GRIN1: variants seen among roughly 807,000 people sequenced by gnomAD.
GRIN1 encodes the protein glutamate receptor ionotropic, NMDA 1.
A neutral mutation model predicts 103.0 loss-of-function variants in GRIN1; 38 were observed. The ratio of observed to expected loss-of-function variants is 0.37; its 90% CI spans 0.28 to 0.48. GRIN1 has a LOEUF of 0.48. GRIN1 is among the 20% of genes least tolerant of loss of function. The pLI, the probability that GRIN1 is intolerant of heterozygous loss-of-function variation, is 0.98. For missense variants in GRIN1, 577 were observed against 1,288.9 expected (o/e 0.45, Z 8.46); for synonymous variants, 544 against 532.7 (o/e 1.02, Z -0.29).
At position 137,139,716 on chromosome 9, in the gene GRIN1, C is replaced by T. The variant is rs2131187092; in HGVS notation, c.230C>T (p.Ser77Leu). ...CCCAACGCCATCCAGATGGCTCTGTCGGTGTGCGAGGACCTCATCTCCAGC... is the reference window on the plus strand; with the variant it reads ...CCCAACGCCATCCAGATGGCTCTGTTGGTGTGCGAGGACCTCATCTCCAGC... ...HKPNAIQMAL[S>L]VCEDLISSQV... Residue 77 changes from serine to leucine, a missense_variant, in exon 1 of 20, where the codon TCG becomes TTG. Around this residue, in one of 9 missense-constraint regions of GRIN1, gnomAD observed 308 missense variants for 553.6 expected, o/e 0.56. Coordinates refer to ENST00000371561, the MANE Select transcript of GRIN1 (RefSeq NM_007327.4). This position sits in a 1 kb window ranked among gnomAD's most constrained non-coding sequence, Gnocchi z 7.7. The T allele has an allele frequency of 6.2e-7, 1 of 1,613,824 alleles. No individual in the cohort carries two copies. The highest frequency in any genetic ancestry group is 8.5e-7 in the Non-Finnish European group (1 of 1,179,918).
chr9:137,147,422 G>A (rs1028645569), intron 3 of GRIN1, among the ~76,000 whole-genome samples: 13 of 151,712 alleles, frequency 8.6e-5, no homozygotes, highest in African/African-American at 2.9e-4. Context: ...ACGCACACAC[G>A]TGCACAGGCA....
At chr9:137,155,442 G>A (rs539084612) in intron 4 of GRIN1, among the ~76,000 whole-genome samples, 3 of 152,378 alleles carry the variant, frequency 2.0e-5, no homozygotes, top group South Asian at 2.1e-4. Context: ...AGCAAACACC[G>A]AAGGGCTGCA....
At chr9:137,165,019 G>T (rs902280625) in intron 18 of GRIN1, 167 bp from the exon 19 acceptor site, 5 of 669,296 alleles carry the variant, frequency 7.5e-6, no homozygotes, top group Non-Finnish European at 1.1e-5. Flanking sequence ...AGGAGAAGAG[G>T]CCACCCTCGA....
At chr9:137,156,815 C>A in intron 5 of GRIN1, 25 bp downstream of exon 5, 1 of 1,601,420 alleles carries the variant, frequency 6.2e-7, no homozygotes, top group East Asian at 2.3e-5. Context: ...TTGGCGGGGT[C>A]CCCGAACGGG....
chr9:137,160,140 G>A (rs1447993573), intron 8 of GRIN1, among the ~76,000 whole-genome samples: 1 of 152,222 alleles, frequency 6.6e-6, no homozygotes, highest in African/African-American at 2.4e-5. Flanking sequence ...AGGCCACGGC[G>A]CGGTGGAGCA....
At chr9:137,147,054 C>T (rs553734765) in intron 3 of GRIN1, among the ~76,000 whole-genome samples, 1 of 150,038 alleles carries the variant, frequency 6.7e-6, no homozygotes, top group Admixed American at 6.6e-5. Flanking sequence ...CCCCCAGCAC[C>T]CGACAGGCCC....
chr9:137,143,977 C>A (rs990467563), intron 2 of GRIN1, among the ~76,000 whole-genome samples: 1 of 152,374 alleles, frequency 6.6e-6, no homozygotes, highest in African/African-American at 2.4e-5. Flanking sequence ...GGCAAGCAAG[C>A]ACCACGCTCT....
chr9:137,144,526 G>A (rs1418222056), intron 2 of GRIN1, among the ~76,000 whole-genome samples: 4 of 152,056 alleles, frequency 2.6e-5, no homozygotes, highest in Non-Finnish European at 4.4e-5. Context: ...GTGGTGGCGG[G>A]CGCCTGTAGT....
At chr9:137,153,381 C>T (rs899058283) in intron 4 of GRIN1, among the ~76,000 whole-genome samples, 3 of 151,838 alleles carry the variant, frequency 2.0e-5, no homozygotes, top group African/African-American at 7.3e-5. Flanking sequence ...CATGTATGCA[C>T]ATGCCACATA....
rs1268060010 is a variant in GRIN1 at position 137,157,007 on chromosome 9, A to G, written c.938A>G (p.Asn313Ser). The G allele has an allele frequency of 6.2e-7, 1 of 1,609,012 alleles. No homozygotes were observed. The highest frequency in any genetic ancestry group is 8.5e-7 in the Non-Finnish European group (1 of 1,178,174). ...DPPRGCVGNT[N>S]IWKTGPLFKR... Reference sequence around the variant, plus strand: ...CCGCGGGGCTGCGTGGGCAACACCAACATCTGGAAGACCGGGCCGCTCTTC... The same window carrying G: ...CCGCGGGGCTGCGTGGGCAACACCAGCATCTGGAAGACCGGGCCGCTCTTC... Residue 313 changes from asparagine (N) to serine (S), a missense_variant, in exon 6 of 20, where the codon AAC becomes AGC. Transcript: ENST00000371561.
intron 12 of GRIN1, 37 bp from the exon 13 acceptor site, chr9:137,162,366 TC>T: frequency 6.5e-7 from 1 of 1,547,476 alleles, no homozygotes. Flanking sequence ...GGGCCGCCTC[TC>T]CCGCCCTCTC....
Position 137,163,149 on chromosome 9 carries a change from G to C in GRIN1, c.2172-20G>C, listed in dbSNP as rs1365314696. 1 of 1,611,528 alleles carries C rather than the reference G, an allele frequency of 6.2e-7. No individual in the cohort carries two copies. Among genetic ancestry groups the C allele is most frequent in the African/African-American group, 1.3e-5 (1 of 74,906 alleles). ...AGGCTGGCAGGACCAAGGCCCCCGT[G>C]ACTCCGCCTCTGCCGGCAGCAAGCT... On this transcript the variant is annotated intron_variant, in intron 15 of 19. Coordinates refer to ENST00000371561, the MANE Select transcript of GRIN1 (RefSeq NM_007327.4).
At chr9:137,164,867 C>T (rs752990023) in intron 18 of GRIN1, 81 of 401,656 alleles carry the variant, frequency 2.0e-4, no homozygotes, top group Non-Finnish European at 3.3e-4. Context: ...CTCCAGTCCT[C>T]AGAGGACTCC....
At position 137,162,580 on chromosome 9, in the gene GRIN1, C is replaced by A; in HGVS notation, c.1865-11C>A. 6.2e-7 allele frequency: 1 copy of A among 1,611,582 alleles called. No homozygotes were observed. On this transcript the variant is annotated splice_polypyrimidine_tract_variant and intron_variant, in intron 13 of 19. Coordinates refer to ENST00000371561, the MANE Select transcript of GRIN1 (RefSeq NM_007327.4). ...CTCTAGGGTCTGACAGAGCCCCCCG[C>A]CCGCCCACAGGCGCCCCCAGAAGCT...
intron 4 of GRIN1, among the ~76,000 whole-genome samples, chr9:137,150,069 C>T (rs1415425395): frequency 1.3e-5 from 2 of 152,178 alleles, no homozygotes; most frequent in African/African-American, 4.8e-5. Context: ...AGGGTTGTTG[C>T]TTAGAGCTGC....
At chr9:137,167,226 G>A (rs984987935) in intron 19 of GRIN1, among the ~76,000 whole-genome samples, 185 bp from the exon 20 acceptor site, 2 of 151,988 alleles carry the variant, frequency 1.3e-5, no homozygotes, top group African/African-American at 2.4e-5. Flanking sequence ...CTGGGGCTGC[G>A]AGCTTATTCA....
In GRIN1 at chr9:137,139,548, C is replaced by A; in HGVS notation, c.62C>A (p.Ala21Glu). The A allele has an allele frequency of 3.7e-6, 6 of 1,611,660 alleles. No individual in the cohort carries two copies. The highest frequency in any genetic ancestry group is 5.1e-6 in the Non-Finnish European group (6 of 1,179,222). The change falls in exon 1 of 20, where the codon GCG becomes GAG. Residue 21 changes from alanine (A) to glutamate (E), a missense_variant. Ala to Glu is a moderately radical substitution (Grantham distance 107, BLOSUM62 -1). Transcript: ENST00000371561. The surrounding 1 kb of genome is among the most constrained non-coding windows in gnomAD (Gnocchi z 7.7). The stretch of plus-strand genomic sequence containing the variant: ...TTCTCCTGCTCCGTCGCCCGTGCCG[C>A]GTGCGACCCCAAGATCGTCAACATT... The part of the protein sequence containing the change: ...LLFSCSVARA[A>E]CDPKIVNIGA...
At chr9:137,150,272 AG>A (rs769792923) in intron 4 of GRIN1, among the ~76,000 whole-genome samples, 5 of 152,222 alleles carry the variant, frequency 3.3e-5, no homozygotes, top group Non-Finnish European at 7.3e-5. Flanking sequence ...CAAAGTCCCA[AG>A]GGTATGCACA....
chr9:137,151,899 CTTTTTTTTTT>C lies in GRIN1; in HGVS notation c.671+2802_671+2811del, dbSNP rs138380793. Among the ~76,000 whole-genome samples, 25 of 93,468 alleles carry C rather than the reference CTTTTTTTTTT, an allele frequency of 2.7e-4. 1 individual carries two copies. The East Asian group carries it at 3.5e-3, about 13-fold the overall frequency. The allele number at this position is 93,468 out of a possible 152,430, so 61.3% of individuals were successfully genotyped here. A position where few individuals can be genotyped will look rare whatever the true frequency, so the allele number is the denominator to read the frequency against. On this transcript the variant is annotated intron_variant, in intron 4 of 19. Coordinates refer to ENST00000371561, the MANE Select transcript of GRIN1 (RefSeq NM_007327.4). ...CAGACTGGTCTCGAACTTGTGGCCT[CTTTTTTTTTT>C]TTTTTTTTTTTCTTTGAGATGGAGT...
Sources: allele counts gnomAD v4.1 joint callset (sites outside exome capture counted in the v4.1 genomes callset), GRCh38; gene constraint gnomAD v4.1.1; regional missense constraint gnomAD v4.1.1; non-coding constraint Gnocchi (gnomAD v3.1); transcripts MANE v1.5; gene names NCBI Gene and HGNC (gene_info 2026-07-23, HGNC 2026-07-21).